NADSYN1: variants seen among roughly 807,000 people sequenced by gnomAD.
NADSYN1 encodes glutamine-dependent NAD(+) synthetase.
In NADSYN1, 80 loss-of-function variants were observed where a neutral mutation model predicts 99.3. The observed-to-expected ratio is 0.81, with a 90% CI of 0.67 to 0.97. The LOEUF is 0.97. NADSYN1 is among the 50% of genes least tolerant of loss of function. The pLI is 0.00. For missense variants in NADSYN1, 859 were observed against 948.5 expected (o/e 0.91, Z 1.24); for synonymous variants, 385 against 372.1 (o/e 1.03, Z -0.40).
intron 5 of NADSYN1, among the ~76,000 whole-genome samples, chr11:71,467,277 G>A (rs1203548408): frequency 6.6e-6 from 1 of 152,214 alleles, no homozygotes; most frequent in East Asian, 1.9e-4. Context: ...AGAAGTTACT[G>A]TAGCACCCGC....
intron 18 of NADSYN1, among the ~76,000 whole-genome samples, chr11:71,492,796 G>C (rs1949791702): frequency 6.6e-6 from 1 of 152,118 alleles, no homozygotes; most frequent in South Asian, 2.1e-4. Flanking sequence ...TCAGTTTGGA[G>C]TTCGGGGAGT....
intron 5 of NADSYN1, among the ~76,000 whole-genome samples, chr11:71,467,828 A>G (rs186129972): frequency 5.0e-4 from 76 of 152,382 alleles, no homozygotes; most frequent in African/African-American, 1.7e-3. Flanking sequence ...AAACATCCAT[A>G]AGATGTTTAA....
chr11:71,466,857 A>G (rs1949594759), intron 5 of NADSYN1: 1 of 152,238 alleles, frequency 6.6e-6, no homozygotes, highest in Admixed American at 6.5e-5. Flanking sequence ...ATTGAGCCTA[A>G]AAACAGTGAA....
At chr11:71,457,011 GAAGCTTTGGA>G (rs1047565953) in intron 2 of NADSYN1, among the ~76,000 whole-genome samples, 6 of 152,268 alleles carry the variant, frequency 3.9e-5, no homozygotes, top group African/African-American at 1.4e-4. Flanking sequence ...GCTGGTGCTG[GAAGCTTTGGA>G]AAGGGAAGGC....
At chr11:71,462,549 C>T (rs1057350733) in intron 3 of NADSYN1, among the ~76,000 whole-genome samples, 1 of 152,150 alleles carries the variant, frequency 6.6e-6, no homozygotes, top group African/African-American at 2.4e-5. Context: ...CCACCGCAGG[C>T]ACGTGTAGTT....
At chr11:71,467,866 G>A (rs1450168521) in intron 5 of NADSYN1, among the ~76,000 whole-genome samples, 1 of 152,210 alleles carries the variant, frequency 6.6e-6, no homozygotes. Flanking sequence ...TACACTAACT[G>A]CAACAGATCT....
chr11:71,470,401 GGA>G (rs750336382), intron 5 of NADSYN1, among the ~76,000 whole-genome samples: 2 of 152,266 alleles, frequency 1.3e-5, no homozygotes, highest in Non-Finnish European at 2.9e-5. Flanking sequence ...GCACTTCCAA[GGA>G]GAGAGCAGCG....
chr11:71,466,975 G>A (rs75105725), intron 5 of NADSYN1, among the ~76,000 whole-genome samples: 2 of 152,054 alleles, frequency 1.3e-5, no homozygotes, highest in Admixed American at 1.3e-4. Context: ...ACTGGAGGTG[G>A]GGGGGTGGGC....
At chr11:71,497,272 C>T in intron 18 of NADSYN1, 2 of 583,440 alleles carry the variant, frequency 3.4e-6, no homozygotes, top group Non-Finnish European at 6.0e-6. Context: ...TTACGGTCCT[C>T]CAAACCAAAT....
At position 71,497,493 on chromosome 11, in the gene NADSYN1, G is replaced by A. The variant is rs1202763044; in HGVS notation, c.1775G>A (p.Gly592Glu). ...TTTTGTTGTGCACAGGAAGATATGG[G>A]GATGACATATGCGGAGCTCTCGGTC... ...QVSQTDEEDM[G>E]MTYAELSVYG... The change falls in exon 19 of 21, where the codon GGG becomes GAG. Residue 592 changes from glycine (G) to glutamate (E), a missense_variant. By Grantham distance (98) the Gly-to-Glu change is moderately conservative. Coordinates refer to ENST00000319023, the MANE Select transcript of NADSYN1 (RefSeq NM_018161.5). 2.5e-6 allele frequency: 4 copies of A among 1,614,128 alleles called. No homozygotes were observed. Among genetic ancestry groups the A allele is most frequent in the South Asian group, 1.1e-5 (1 of 91,088 alleles).
intron 12 of NADSYN1, 153 bp downstream of exon 12, chr11:71,481,557 G>A (rs1312123682): frequency 1.3e-5 from 10 of 755,270 alleles, no homozygotes; most frequent in African/African-American, 5.3e-5. Flanking sequence ...CTTAGTCTGT[G>A]CTAGCCAGAG....
At chr11:71,465,600 T>C (rs1949582823) in intron 5 of NADSYN1, among the ~76,000 whole-genome samples, 2 of 152,240 alleles carry the variant, frequency 1.3e-5, no homozygotes, top group South Asian at 4.1e-4. Flanking sequence ...CTGGCATAGC[T>C]GGTCTCCCCA....
intron 10 of NADSYN1, chr11:71,479,065 T>C (rs925734376): frequency 6.4e-6 from 1 of 156,512 alleles, no homozygotes; most frequent in African/African-American, 2.4e-5. Context: ...GTGATGCTCA[T>C]AACAGAGCGG....
chr11:71,456,225 C>A (rs1565594647), intron 2 of NADSYN1, among the ~76,000 whole-genome samples: 1 of 152,240 alleles, frequency 6.6e-6, no homozygotes, highest in Non-Finnish European at 1.5e-5. Flanking sequence ...TTCTTTCCTT[C>A]ATTAGATTGA....
chr11:71,478,923 C>T (rs1036734737), intron 10 of NADSYN1: 10 of 163,552 alleles, frequency 6.1e-5, no homozygotes, highest in Admixed American at 1.7e-4. Context: ...ATGCAAGTAA[C>T]GCCCCTCCTG....
chr11:71,477,186 C>T (rs1470224067), intron 9 of NADSYN1: 5 of 1,174,350 alleles, frequency 4.3e-6, no homozygotes, highest in African/African-American at 3.2e-5. Flanking sequence ...CTGGGCTTTC[C>T]GGCTTGTCGT....
chr11:71,479,411 T>C (rs1949690191), intron 10 of NADSYN1: 1 of 151,916 alleles, frequency 6.6e-6, no homozygotes, highest in African/African-American at 2.4e-5. Flanking sequence ...TTCATAGCAG[T>C]TTTATTAAGT....
chr11:71,463,516 G>A (rs367958357), intron 4 of NADSYN1, 31 bp downstream of exon 4: 22 of 1,599,702 alleles, frequency 1.4e-5, no homozygotes, highest in East Asian at 1.3e-4. Flanking sequence ...CCGGGAGGGT[G>A]ACTGGGGCCT....
intron 16 of NADSYN1, among the ~76,000 whole-genome samples, chr11:71,485,913 C>T (rs1014393089): frequency 2.0e-5 from 3 of 152,178 alleles, no homozygotes; most frequent in African/African-American, 7.2e-5. Flanking sequence ...TCCCACCGCC[C>T]TCTGCCATGG....
Sources: allele counts gnomAD v4.1 joint callset (sites outside exome capture counted in the v4.1 genomes callset), GRCh38; gene constraint gnomAD v4.1.1; transcripts MANE v1.5; gene names NCBI Gene and HGNC (gene_info 2026-07-23, HGNC 2026-07-21).